The following SS18L1 variants were observed in gnomAD, a reference collection of about 807,000 sequenced individuals.
SS18L1 encodes the protein calcium-responsive transactivator.
A neutral mutation model predicts 70.3 loss-of-function variants in SS18L1; 32 were observed. That is an observed-to-expected ratio of 0.46 (90% CI 0.34 to 0.61). The LOEUF is 0.61. Ranked by LOEUF, SS18L1 falls within the 20% of genes least tolerant of loss-of-function variation. The probability of loss-of-function intolerance (pLI) is 0.01; values close to 1 mark genes in which losing one functional copy is unlikely to be tolerated. For missense variants in SS18L1, 430 were observed against 542.1 expected (o/e 0.79, Z 2.05); for synonymous variants, 237 against 229.7 (o/e 1.03, Z -0.29).
intron 8 of SS18L1, 71 bp downstream of exon 8, chr20:62,165,585 T>C: frequency 7.0e-7 from 1 of 1,428,118 alleles, no homozygotes; most frequent in Non-Finnish European, 9.7e-7. Context: ...CGCTGCACCC[T>C]TAGGAGCACG....
At chr20:62,172,951 A>C (rs2057559078) in intron 9 of SS18L1, 150 bp downstream of exon 9, 2 of 1,491,712 alleles carry the variant, frequency 1.3e-6, no homozygotes, top group East Asian at 2.4e-5. Flanking sequence ...GGGGCCCCCC[A>C]GCGCCCACCC....
intron 9 of SS18L1, among the ~76,000 whole-genome samples, chr20:62,173,993 T>C (rs1334080715): frequency 1.3e-5 from 2 of 151,506 alleles, no homozygotes; most frequent in Non-Finnish European, 2.9e-5. Context: ...CAGCCTGGCT[T>C]GGGTGACAGA....
At chr20:62,177,792 G>A (rs1255406909) in intron 10 of SS18L1, among the ~76,000 whole-genome samples, 2 of 152,060 alleles carry the variant, frequency 1.3e-5, no homozygotes, top group Non-Finnish European at 2.9e-5. Context: ...GCACGATCTC[G>A]CTCACTGCAG....
chr20:62,172,622 A>G, intron 8 of SS18L1, 60 bp from the exon 9 acceptor site: 1 of 1,607,766 alleles, frequency 6.2e-7, no homozygotes, highest in South Asian at 1.1e-5. Context: ...AGTGGGCCAC[A>G]GAATGAGCCC....
rs2145729666 is a variant in SS18L1 at position 62,159,705 on chromosome 20, C to A, written c.147-172C>A. Reference sequence around the variant, plus strand: ...GCTGCCCTCCCGTCCCCACCGAGACCCCAGCACCCTGCCACCTGCCTGTGT... The same window carrying A: ...GCTGCCCTCCCGTCCCCACCGAGACACCAGCACCCTGCCACCTGCCTGTGT... On this transcript the variant is annotated intron_variant, in intron 2 of 10. Coordinates refer to ENST00000331758, the MANE Select transcript of SS18L1 (RefSeq NM_198935.3). The surrounding 1 kb of genome is among the most constrained non-coding windows in gnomAD (Gnocchi z 4.4). Among the ~76,000 whole-genome samples, 1 of 152,262 alleles carries A rather than the reference C, an allele frequency of 6.6e-6. No homozygotes were observed. Among genetic ancestry groups the A allele is most frequent in the African/African-American group, 2.4e-5 (1 of 41,542 alleles).
rs748191340 is a variant in SS18L1 at position 62,172,820 on chromosome 20, C to T, written c.1036+19C>T. ...GGCTACGGTAAGAGGCGAGCACGGT[C>T]CTCGGGGCCCCCCAGCGCCCACCCC... On this transcript the variant is annotated intron_variant, in intron 9 of 10. Coordinates refer to ENST00000331758, the MANE Select transcript of SS18L1 (RefSeq NM_198935.3). The T allele has an allele frequency of 8.1e-6, 13 of 1,611,016 alleles. 1 individual carries two copies. In the South Asian group the frequency reaches 8.8e-5, roughly 11 times the overall value.
chr20:62,180,281 A>G lies in SS18L1; in HGVS notation c.*1073A>G, dbSNP rs1178822550. 1 of 193,156 alleles carries G rather than the reference A, an allele frequency of 5.2e-6. No individual in the cohort carries two copies. Among genetic ancestry groups the G allele is most frequent in the South Asian group, 1.9e-4 (1 of 5,172 alleles). The allele number at this position is 193,156 out of a possible 1,614,324, so 12.0% of individuals were successfully genotyped here. A position where few individuals can be genotyped will look rare whatever the true frequency, so the allele number is the denominator to read the frequency against. On this transcript the variant is annotated 3_prime_UTR_variant, in exon 11 of 11. Transcript: ENST00000331758. The stretch of plus-strand genomic sequence containing the variant: ...CTAATGAAAAGTAAAGGTTTTATAT[A>G]GAGAAACTTGAGTAATTTTTACATT...
At chr20:62,176,015 G>A (rs974432233) in intron 10 of SS18L1, among the ~76,000 whole-genome samples, 1 of 152,254 alleles carries the variant, frequency 6.6e-6, no homozygotes, top group Admixed American at 6.5e-5. Context: ...GGCCCTCCAG[G>A]TTTGCACAGG....
At chr20:62,147,872 G>A (rs747451759) in intron 1 of SS18L1, among the ~76,000 whole-genome samples, 2 of 152,122 alleles carry the variant, frequency 1.3e-5, no homozygotes, top group Admixed American at 6.5e-5. Context: ...GGCAAGGGGC[G>A]CACTTCTGGG....
rs1225272448 is a variant in SS18L1, at chr20:62,180,812, T to G, written c.*1604T>G. 2 of 165,452 alleles carry G rather than the reference T, an allele frequency of 1.2e-5. No individual in the cohort carries two copies. Among genetic ancestry groups the G allele is most frequent in the African/African-American group, 2.4e-5 (1 of 41,828 alleles). The allele number at this position is 165,452 out of a possible 1,614,324, so 10.2% of individuals were successfully genotyped here. On this transcript the variant is annotated 3_prime_UTR_variant, in exon 11 of 11. Transcript: ENST00000331758. ...CGGGAACCTGAGGCAGGAGAATGGC[T>G]TGAACCCAGGAGACAGAGGTTGTGG...
chr20:62,152,142 C>T (rs780097169), intron 1 of SS18L1, among the ~76,000 whole-genome samples: 1 of 152,248 alleles, frequency 6.6e-6, no homozygotes, highest in African/African-American at 2.4e-5. Context: ...CCCAGCTGGA[C>T]GTCAACCCCA....
intron 1 of SS18L1, among the ~76,000 whole-genome samples, chr20:62,146,740 C>T (rs937894630): frequency 6.6e-6 from 1 of 152,194 alleles, no homozygotes; most frequent in African/African-American, 2.4e-5. Context: ...CTGCCTCAGC[C>T]TCCTGAGTAG....
chr20:62,169,421 T>C (rs895794006), intron 8 of SS18L1, among the ~76,000 whole-genome samples: 6 of 152,200 alleles, frequency 3.9e-5, no homozygotes, highest in Non-Finnish European at 8.8e-5. Flanking sequence ...CTCTTGAAGG[T>C]ATGAGTCCGT....
chr20:62,163,229 C>T (rs1172932199), intron 5 of SS18L1, among the ~76,000 whole-genome samples: 2 of 152,124 alleles, frequency 1.3e-5, no homozygotes, highest in Non-Finnish European at 1.5e-5. Flanking sequence ...GGACAGACAG[C>T]ACTGGGCTCT....
chr20:62,170,257 G>A (rs746457357), intron 8 of SS18L1, among the ~76,000 whole-genome samples: 1 of 152,224 alleles, frequency 6.6e-6, no homozygotes, highest in Non-Finnish European at 1.5e-5. Context: ...TGTAATCTCA[G>A]CACTTTGGGA....
chr20:62,169,190 C>A (rs2057486197), intron 8 of SS18L1, among the ~76,000 whole-genome samples: 1 of 152,224 alleles, frequency 6.6e-6, no homozygotes, highest in African/African-American at 2.4e-5. Context: ...CTAGGAGAGA[C>A]CGCCCATGAG....
chr20:62,169,604 C>T (rs1347427918), intron 8 of SS18L1, among the ~76,000 whole-genome samples: 1 of 152,032 alleles, frequency 6.6e-6, no homozygotes, highest in African/African-American at 2.4e-5. Flanking sequence ...CATGGTGAAA[C>T]CCCATCTCGA....
chr20:62,161,326 C>T lies in SS18L1; in HGVS notation c.232-110C>T. 6.7e-7 allele frequency: 1 copy of T among 1,487,412 alleles called. No individual in the cohort carries two copies. The highest frequency in any genetic ancestry group is 1.2e-5 in the South Asian group (1 of 86,424). The allele number at this position is 1,487,412 out of a possible 1,614,324, so 92.1% of individuals were successfully genotyped here. On this transcript the variant is annotated intron_variant, in intron 3 of 10. Transcript: ENST00000331758. This position sits in a 1 kb window ranked among gnomAD's most constrained non-coding sequence, Gnocchi z 4.4. ...TGATTACGAACATTGACCAGGTGGCCATGATGTGTGGCGGCAAATCTCGGG... is the reference window on the plus strand; with the variant it reads ...TGATTACGAACATTGACCAGGTGGCTATGATGTGTGGCGGCAAATCTCGGG...
chr20:62,177,404 C>T (rs557772862), intron 10 of SS18L1, among the ~76,000 whole-genome samples: 1 of 152,258 alleles, frequency 6.6e-6, no homozygotes, highest in East Asian at 1.9e-4. Context: ...GGTGCAGGAG[C>T]AGAAAGACAT....
Sources: gnomAD v4.1 joint callset for allele counts (sites outside exome capture counted in the v4.1 genomes callset) on GRCh38, gnomAD v4.1.1 for gene constraint, Gnocchi (gnomAD v3.1) non-coding constraint, MANE v1.5 for transcripts, NCBI Gene and HGNC (gene_info 2026-07-23, HGNC 2026-07-21) for gene names.